Variants in ENTPD7 observed in about 807,000 individuals in gnomAD.
The protein encoded by ENTPD7 is ectonucleoside triphosphate diphosphohydrolase 7.
A neutral mutation model predicts 77.9 loss-of-function variants in ENTPD7; 53 were observed. The observed-to-expected ratio is 0.68, with a 90% CI of 0.55 to 0.85. ENTPD7 has a LOEUF of 0.85. Among genes scored for constraint, ENTPD7 ranks in the 40% least tolerant of loss-of-function variants. The pLI, the probability that ENTPD7 is intolerant of heterozygous loss-of-function variation, is 0.00. For missense variants in ENTPD7, 636 were observed against 743.7 expected (o/e 0.86, Z 1.68); for synonymous variants, 248 against 274.9 (o/e 0.90, Z 0.97).
At chr10:99,674,565 G>C (rs971213591) in intron 3 of ENTPD7, among the ~76,000 whole-genome samples, 7 of 152,046 alleles carry the variant, frequency 4.6e-5, no homozygotes, top group Admixed American at 1.3e-4. Context: ...GTCTTTTTGT[G>C]CCTGGCTTAC....
At chr10:99,681,270 A>T (rs1258910665) in intron 5 of ENTPD7, among the ~76,000 whole-genome samples, 1 of 149,854 alleles carries the variant, frequency 6.7e-6, no homozygotes, top group South Asian at 2.1e-4. Context: ...CAGTTTGATT[A>T]TTTATTTATT....
intron 4 of ENTPD7, 57 bp downstream of exon 4, chr10:99,679,523 A>C (rs545981065): frequency 1.3e-6 from 2 of 1,528,500 alleles, no homozygotes; most frequent in East Asian, 2.3e-5. Context: ...AAGAGGAGAC[A>C]AAAGAAGCAG....
At chr10:99,694,790 G>A (rs1035311675) in intron 8 of ENTPD7, among the ~76,000 whole-genome samples, 1 of 152,094 alleles carries the variant, frequency 6.6e-6, no homozygotes, top group South Asian at 2.1e-4. Context: ...ACCCTCCTTG[G>A]CCTCCCAAAG....
Position 99,669,740 on chromosome 10 carries a change from G to GGTTTT in ENTPD7, c.191+8112_191+8113insGTTTT, listed in dbSNP as rs1554835535. Among the ~76,000 whole-genome samples the GGTTTT allele has an allele frequency of 9.8e-4, 58 of 59,300 alleles. 1 individual carries two copies. The highest frequency in any genetic ancestry group is 3.6e-3 in the African/African-American group (54 of 15,030). The allele number at this position is 59,300 out of a possible 152,430, so 38.9% of individuals were successfully genotyped here. The stretch of plus-strand genomic sequence containing the variant: ...GAATAATACTTGTGTTAGATGTGTG[G>GGTTTT]TTTTTTTTTTTTTTTTTTTTTTTTT... On this transcript the variant is annotated intron_variant, in intron 3 of 12. Transcript: ENST00000370489.
chr10:99,662,308 T>A (rs2035497397), intron 3 of ENTPD7, among the ~76,000 whole-genome samples: 1 of 152,180 alleles, frequency 6.6e-6, no homozygotes, highest in Non-Finnish European at 1.5e-5. Flanking sequence ...ATTTTATCTC[T>A]CATGTTGGCT....
chr10:99,677,778 G>A (rs948113849), intron 3 of ENTPD7, among the ~76,000 whole-genome samples: 36 of 152,164 alleles, frequency 2.4e-4, no homozygotes, highest in South Asian at 2.1e-4. Flanking sequence ...TCTGTTAACA[G>A]CGGCAGCACA....
At chr10:99,679,700 G>C (rs758809238) in intron 4 of ENTPD7, 25 bp from the exon 5 acceptor site, 3 of 1,593,902 alleles carry the variant, frequency 1.9e-6, no homozygotes, top group Middle Eastern at 1.7e-4. Flanking sequence ...AGAAAGTTTT[G>C]TCTGTTTGTT....
intron 3 of ENTPD7, among the ~76,000 whole-genome samples, chr10:99,663,843 A>G (rs2033100103): frequency 6.6e-6 from 1 of 152,086 alleles, no homozygotes; most frequent in Non-Finnish European, 1.5e-5. Context: ...CATTTTGTCC[A>G]TTACTTCTTC....
rs548932835 is a variant in ENTPD7 at position 99,682,357 on chromosome 10, A to C, written c.548+2482A>C. ...ATAGCAGCAATGCTTCTTTCAGTGG[A>C]CTTTTTTTCACAGTTACTGGTTTAC... On this transcript the variant is annotated intron_variant, in intron 5 of 12. Coordinates refer to ENST00000370489, the MANE Select transcript of ENTPD7 (RefSeq NM_020354.5). 3.9e-5 allele frequency among the ~76,000 whole-genome samples: 6 copies of C among 152,282 alleles called. 1 individual carries two copies. The highest frequency in any genetic ancestry group is 3.9e-4 in the Admixed American group (6 of 15,296).
chr10:99,665,134 C>A (rs2035532998), intron 3 of ENTPD7, among the ~76,000 whole-genome samples: 1 of 151,962 alleles, frequency 6.6e-6, no homozygotes, highest in Non-Finnish European at 1.5e-5. Context: ...CACCTGTAGT[C>A]CTTGCTTCCC....
intron 3 of ENTPD7, among the ~76,000 whole-genome samples, chr10:99,666,919 G>T (rs2035557753): frequency 6.6e-6 from 1 of 152,216 alleles, no homozygotes; most frequent in Admixed American, 6.5e-5. Flanking sequence ...AAAATCATAA[G>T]TTGTACCATT....
chr10:99,691,737 AAAT>A (rs1237846772), intron 8 of ENTPD7, among the ~76,000 whole-genome samples: 1 of 152,152 alleles, frequency 6.6e-6, no homozygotes, highest in East Asian at 1.9e-4. Context: ...TATGAGGATG[AAAT>A]AATACCATGT....
At chr10:99,685,963 T>A in intron 6 of ENTPD7, 68 bp downstream of exon 6, 1 of 980,694 alleles carries the variant, frequency 1.0e-6, no homozygotes, top group Non-Finnish European at 1.6e-6. Flanking sequence ...CTCTAACGGG[T>A]GTTTAGAATT....
At position 99,710,204 on chromosome 10, in the gene ENTPD7, G is replaced by T; in HGVS notation, c.*5521G>T. The stretch of plus-strand genomic sequence containing the variant: ...TGGCCCCTCCTACAGAGCACTTGCC[G>T]GCATTTGGCCTGCTGCTGGTGAAGA... On this transcript the variant is annotated 3_prime_UTR_variant, in exon 13 of 13. Transcript: ENST00000370489. 2.0e-6 allele frequency: 2 copies of T among 985,406 alleles called. No homozygotes were observed. Among genetic ancestry groups the T allele is most frequent in the Non-Finnish European group, 2.4e-6 (2 of 829,924 alleles). 61.0% of individuals were successfully genotyped at this position (985,406 alleles called of 1,614,324 possible).
intron 3 of ENTPD7, among the ~76,000 whole-genome samples, chr10:99,678,967 A>G (rs1406686145): frequency 6.6e-6 from 1 of 151,136 alleles, no homozygotes; most frequent in East Asian, 1.9e-4. Context: ...CAGGGCTACA[A>G]GCTCTAATGC....
rs34046167 is a variant in ENTPD7, at chr10:99,691,163, AT to A, written c.710-210del. On this transcript the variant is annotated intron_variant, in intron 7 of 12. Coordinates refer to ENST00000370489, the MANE Select transcript of ENTPD7 (RefSeq NM_020354.5). ...CACCATGCCCAGCTAATTAAAAAAA[AT>A]TTTTTTTTTTTATGAGAGTGTCTCA... Among the ~76,000 whole-genome samples, 148 of 149,230 alleles carry A rather than the reference AT, an allele frequency of 9.9e-4. 3 individuals carry two copies. In the East Asian group the frequency reaches 0.024, roughly 24 times the overall value.
chr10:99,664,060 A>G (rs2035519493), intron 3 of ENTPD7, among the ~76,000 whole-genome samples: 2 of 152,010 alleles, frequency 1.3e-5, no homozygotes. Flanking sequence ...TGTTCTATCC[A>G]GTGAAAGTTT....
chr10:99,700,032 T>G (rs899466215), intron 10 of ENTPD7, among the ~76,000 whole-genome samples: 1 of 152,184 alleles, frequency 6.6e-6, no homozygotes, highest in African/African-American at 2.4e-5. Flanking sequence ...TAAGAAATAC[T>G]GTGGGACACC....
chr10:99,659,900 C>A lies in ENTPD7; in HGVS notation c.-57C>A, dbSNP rs889059652. 1.2e-5 allele frequency: 19 copies of A among 1,613,416 alleles called. No individual in the cohort carries two copies. The highest frequency in any genetic ancestry group is 3.3e-5 in the Admixed American group (2 of 59,988). ...GAGATGCCTGGGACAAGGAGGCCACCTTCTCAGGGCAAAAGAAAAAGAAGG... is the reference window on the plus strand; with the variant it reads ...GAGATGCCTGGGACAAGGAGGCCACATTCTCAGGGCAAAAGAAAAAGAAGG... On this transcript the variant is annotated 5_prime_UTR_variant, in exon 2 of 13. Coordinates refer to ENST00000370489, the MANE Select transcript of ENTPD7 (RefSeq NM_020354.5). The surrounding 1 kb of genome is among the most constrained non-coding windows in gnomAD (Gnocchi z 4.1).
Sources: gnomAD v4.1 joint callset for allele counts (sites outside exome capture counted in the v4.1 genomes callset) on GRCh38, gnomAD v4.1.1 for gene constraint, Gnocchi (gnomAD v3.1) non-coding constraint, MANE v1.5 for transcripts, NCBI Gene and HGNC (gene_info 2026-07-23, HGNC 2026-07-21) for gene names.